DLGAP2: variants seen among roughly 807,000 people sequenced by gnomAD.
DLGAP2 encodes disks large-associated protein 2.
A neutral mutation model predicts 100.3 loss-of-function variants in DLGAP2; 26 were observed. The ratio of observed to expected loss-of-function variants is 0.26; its 90% confidence interval spans 0.19 to 0.36. The LOEUF is 0.36. Ranked by LOEUF, DLGAP2 falls within the 10% of genes least tolerant of loss-of-function variation. DLGAP2 has a pLI of 1.00. For missense variants in DLGAP2, 1,858 were observed against 1,453.2 expected, an observed-to-expected ratio of 1.28 and a Z score of -4.53; for synonymous variants, 886 against 630.1, an observed-to-expected ratio of 1.41 and a Z score of -6.08.
intron 4 of DLGAP2, among the ~76,000 whole-genome samples, chr8:1,533,879 C>T (rs1801068452): frequency 6.6e-6 from 1 of 152,088 alleles, no homozygotes. Flanking sequence ...ATTGCTTGAG[C>T]GGGAGTTTGA....
intron 2 of DLGAP2, among the ~76,000 whole-genome samples, chr8:982,440 G>A (rs957597904): frequency 2.0e-5 from 3 of 152,162 alleles, no homozygotes; most frequent in Non-Finnish European, 2.9e-5. Context: ...ATCAGTCGAT[G>A]GTTTGAGTGA....
At chr8:1,118,173 C>T (rs553278151) in intron 2 of DLGAP2, among the ~76,000 whole-genome samples, 2 of 152,122 alleles carry the variant, frequency 1.3e-5, no homozygotes, top group African/African-American at 4.8e-5. Flanking sequence ...ATGGCTTTTT[C>T]TAAAATGCAT....
intron 2 of DLGAP2, among the ~76,000 whole-genome samples, chr8:1,028,336 G>A (rs1324002060): frequency 6.6e-5 from 9 of 136,284 alleles, no homozygotes; most frequent in African/African-American, 2.6e-4. Flanking sequence ...TCTCCAGGTC[G>A]GGTGTCAGGC....
intron 12 of DLGAP2, chr8:1,680,441 A>AACTT (rs1798917293): frequency 6.6e-6 from 1 of 152,240 alleles, no homozygotes; most frequent in Admixed American, 6.5e-5. Flanking sequence ...TTATTGTTAA[A>AACTT]ACTTAAGGTC....
chr8:1,138,312 G>A (rs546584724), intron 2 of DLGAP2, among the ~76,000 whole-genome samples: 1 of 152,214 alleles, frequency 6.6e-6, no homozygotes, highest in Admixed American at 6.5e-5. Flanking sequence ...TGTCCTGTCT[G>A]CATGCCGATG....
intron 7 of DLGAP2, among the ~76,000 whole-genome samples, chr8:1,629,165 G>C (rs539100096): frequency 6.6e-6 from 1 of 152,256 alleles, no homozygotes; most frequent in East Asian, 1.9e-4. Context: ...TCATTTTGCA[G>C]GTTTTTTCCT....
At chr8:828,910 G>A (rs1413048425) in intron 1 of DLGAP2, among the ~76,000 whole-genome samples, 2 of 152,128 alleles carry the variant, frequency 1.3e-5, no homozygotes, top group Non-Finnish European at 2.9e-5. Flanking sequence ...TATATGTAAT[G>A]GATTCATGTT....
intron 2 of DLGAP2, among the ~76,000 whole-genome samples, chr8:1,230,923 A>C (rs1798522467): frequency 6.6e-6 from 1 of 152,236 alleles, no homozygotes; most frequent in African/African-American, 2.4e-5. Flanking sequence ...AAAATAGGAA[A>C]CACCATTCTG....
At chr8:1,631,480 C>G (rs929175177) in intron 7 of DLGAP2, among the ~76,000 whole-genome samples, 1 of 152,168 alleles carries the variant, frequency 6.6e-6, no homozygotes, top group East Asian at 1.9e-4. Flanking sequence ...AGAAAAACAT[C>G]CTGTTTCCAA....
At chr8:1,184,131 A>G (rs868468042) in intron 2 of DLGAP2, among the ~76,000 whole-genome samples, 5 of 152,334 alleles carry the variant, frequency 3.3e-5, no homozygotes, top group South Asian at 2.1e-4. Context: ...AAGCCACTTG[A>G]TGTCTCCAAG....
At chr8:984,488 T>G (rs1298303377) in intron 2 of DLGAP2, among the ~76,000 whole-genome samples, 1 of 152,192 alleles carries the variant, frequency 6.6e-6, no homozygotes, top group African/African-American at 2.4e-5. Flanking sequence ...ATCTTGGTTG[T>G]GGGGATGGTC....
intron 2 of DLGAP2, among the ~76,000 whole-genome samples, chr8:1,185,604 T>C (rs73537278): frequency 0.12 from 18,217 of 151,728 alleles, 2,155 homozygotes; most frequent in African/African-American, 0.31. Flanking sequence ...TCATGCAAAA[T>C]GGTAAAAAAG....
rs1355941054 is a variant in DLGAP2 at position 1,040,238 on chromosome 8, G to C, written c.73+132272G>C. On this transcript the variant is annotated intron_variant, in intron 2 of 14. Transcript: ENST00000637795. ...GGTGTGCATGGTCGGCTCGGTTTCTGTGGTCAGCTCGGTTTCCATGGTCAG... is the reference window on the plus strand; with the variant it reads ...GGTGTGCATGGTCGGCTCGGTTTCTCTGGTCAGCTCGGTTTCCATGGTCAG... 2.1e-5 allele frequency among the ~76,000 whole-genome samples: 3 copies of C among 143,944 alleles called. No homozygotes were observed. In the East Asian group the frequency reaches 6.9e-4, roughly 33 times the overall value. The allele number at this position is 143,944 out of a possible 152,430, so 94.4% of individuals were successfully genotyped here.
At chr8:1,425,701 G>T (rs750209573) in intron 3 of DLGAP2, among the ~76,000 whole-genome samples, 4 of 152,180 alleles carry the variant, frequency 2.6e-5, no homozygotes, top group Non-Finnish European at 5.9e-5. Flanking sequence ...CTGTCCTGTA[G>T]GGAACTGGCC....
intron 2 of DLGAP2, among the ~76,000 whole-genome samples, chr8:1,082,171 C>G (rs544392987): frequency 5.3e-5 from 8 of 152,168 alleles, no homozygotes; most frequent in Non-Finnish European, 1.2e-4. Context: ...ACATCTCTGT[C>G]TGTCTGGATC....
intron 8 of DLGAP2, among the ~76,000 whole-genome samples, chr8:1,650,366 G>A (rs568269369): frequency 1.3e-5 from 2 of 152,322 alleles, no homozygotes; most frequent in Non-Finnish European, 2.9e-5. Context: ...ATTATAAACT[G>A]TCCTATGATT....
intron 3 of DLGAP2, among the ~76,000 whole-genome samples, chr8:1,471,586 C>T (rs1213994723): frequency 1.3e-5 from 2 of 151,484 alleles, no homozygotes; most frequent in African/African-American, 4.8e-5. Flanking sequence ...CAGCCTCCCT[C>T]CTAACCTCCT....
rs1804473184 is a variant in DLGAP2, at chr8:1,098,628, CCA to C, written c.74-160222_74-160221del. ...CCGCCCACGGGCGCCGCCACCCACG[CCA>C]GGCTCCCGGCCGCCCACGGACGCCG... On this transcript the variant is annotated intron_variant, in intron 2 of 14. Coordinates refer to ENST00000637795, the MANE Select transcript of DLGAP2 (RefSeq NM_001346810.2). Among the ~76,000 whole-genome samples the C allele has an allele frequency of 1.6e-4, 18 of 111,352 alleles. No homozygotes were observed. In the South Asian group the frequency reaches 3.3e-3, roughly 20 times the overall value. The allele number at this position is 111,352 out of a possible 152,430, so 73.1% of individuals were successfully genotyped here. A position where few individuals can be genotyped will look rare whatever the true frequency, so the allele number is the denominator to read the frequency against.
chr8:901,955 G>T (rs1798260310), intron 1 of DLGAP2, among the ~76,000 whole-genome samples: 1 of 152,220 alleles, frequency 6.6e-6, no homozygotes, highest in African/African-American at 2.4e-5. Flanking sequence ...ACTGGCTGGA[G>T]GGCAGCGTGG....
Sources: allele counts gnomAD v4.1 joint callset (sites outside exome capture counted in the v4.1 genomes callset), GRCh38; gene constraint gnomAD v4.1.1; transcripts MANE v1.5; gene names NCBI Gene and HGNC (gene_info 2026-07-23, HGNC 2026-07-21).